The following TTC28 variants were observed in gnomAD, a reference collection of about 807,000 sequenced individuals.
TTC28 encodes the protein tetratricopeptide repeat domain 28.
In TTC28, 61 loss-of-function variants were observed where a neutral mutation model predicts 198.0. The ratio of observed to expected loss-of-function variants is 0.31; its 90% CI spans 0.25 to 0.38. The LOEUF is 0.38. TTC28 is among the 10% of genes least tolerant of loss of function. The pLI is 1.00. For missense variants in TTC28, 2,678 were observed against 3,164.0 expected (o/e 0.85, Z 3.69); for synonymous variants, 1,171 against 1,297.8 (o/e 0.90, Z 2.10).
chr22:28,227,469 C>T (rs75173503), intron 5 of TTC28, among the ~76,000 whole-genome samples: 2,156 of 152,022 alleles, frequency 0.014, 43 homozygotes, highest in African/African-American at 0.05. Context: ...CAAAATGGAA[C>T]AAAATATTTG....
chr22:28,120,557 A>C (rs1022263146), intron 6 of TTC28, among the ~76,000 whole-genome samples: 3 of 152,122 alleles, frequency 2.0e-5, no homozygotes, highest in African/African-American at 4.8e-5. Flanking sequence ...AGTAACTGCT[A>C]CAGAATTCAA....
At chr22:28,205,993 CAAAA>C (rs578027021) in intron 5 of TTC28, among the ~76,000 whole-genome samples, 1 of 129,180 alleles carries the variant, frequency 7.7e-6, no homozygotes, top group African/African-American at 2.9e-5. Flanking sequence ...CATGGGGTGT[CAAAA>C]AAAAAAAAAA....
At chr22:28,673,488 C>G (rs889178016) in intron 1 of TTC28, among the ~76,000 whole-genome samples, 1 of 152,156 alleles carries the variant, frequency 6.6e-6, no homozygotes, top group Non-Finnish European at 1.5e-5. Context: ...TCAAAAATCA[C>G]CATGATATTG....
At chr22:28,561,515 C>A (rs561499345) in intron 2 of TTC28, among the ~76,000 whole-genome samples, 3 of 152,346 alleles carry the variant, frequency 2.0e-5, no homozygotes, top group East Asian at 1.9e-4. Context: ...GTCATGATCA[C>A]TTCTAGATCC....
rs764881378 is a variant in TTC28 at position 28,258,627 on chromosome 22, C to T, written c.933+37571G>A. Among the ~76,000 whole-genome samples the T allele has an allele frequency of 4.0e-5, 6 of 151,866 alleles. No homozygotes were observed. In the East Asian group the frequency reaches 5.8e-4, roughly 15 times the overall value. On this transcript the variant is annotated intron_variant, in intron 5 of 22. Transcript: ENST00000397906. ...CATATCAGAAATGCCTGCAAATAAA[C>T]GGGACAGCAACCCCAATAAAAAATG...
At chr22:28,557,770 GA>G (rs949124226) in intron 2 of TTC28, among the ~76,000 whole-genome samples, 2 of 152,106 alleles carry the variant, frequency 1.3e-5, no homozygotes, top group Non-Finnish European at 2.9e-5. Context: ...GGTGGTAAAT[GA>G]AGAAGGTTTT....
chr22:28,283,703 T>C, intron 5 of TTC28, among the ~76,000 whole-genome samples: 1 of 152,148 alleles, frequency 6.6e-6, no homozygotes, highest in Non-Finnish European at 1.5e-5. Context: ...GTGAAAGGCA[T>C]CATCAGAATA....
At chr22:28,679,558 CCCGGCTCCCACCG>C (rs142303514) in intron 1 of TTC28, 51 bp downstream of exon 1, 28,561 of 1,168,354 alleles carry the variant, frequency 0.024, 307 homozygotes, top group Non-Finnish European at 0.03. Flanking sequence ...TGAGGCCCGG[CCCGGCTCCCACCG>C]CCGGAGTTTC....
chr22:28,191,278 C>T (rs1354425444), intron 5 of TTC28, among the ~76,000 whole-genome samples: 1 of 152,220 alleles, frequency 6.6e-6, no homozygotes, highest in South Asian at 2.1e-4. Flanking sequence ...GAATTACCAA[C>T]TAAATAGAGA....
intron 2 of TTC28, among the ~76,000 whole-genome samples, chr22:28,381,114 T>C (rs774608418): frequency 4.7e-5 from 7 of 148,470 alleles, no homozygotes; most frequent in Non-Finnish European, 1.0e-4. Context: ...CTGAGGTTTC[T>C]CACATTTCCA....
At chr22:28,253,888 T>TGAGATCAGGAGTTC (rs1251458254) in intron 5 of TTC28, among the ~76,000 whole-genome samples, 3 of 152,204 alleles carry the variant, frequency 2.0e-5, no homozygotes, top group African/African-American at 7.2e-5. Context: ...GTGGATCACT[T>TGAGATCAGGAGTTC]GAGATCAGGA....
At chr22:28,001,152 G>C (rs1937669674) in intron 15 of TTC28, 3 of 527,138 alleles carry the variant, frequency 5.7e-6, no homozygotes, top group Admixed American at 6.2e-5. Flanking sequence ...ACAAACTGTG[G>C]CTTCCCAAGG....
intron 2 of TTC28, among the ~76,000 whole-genome samples, chr22:28,556,804 G>A (rs1475157582): frequency 2.0e-5 from 3 of 152,178 alleles, no homozygotes; most frequent in African/African-American, 7.2e-5. Flanking sequence ...CACTTCCAAG[G>A]TAGCTCACTC....
At chr22:28,381,049 A>G (rs538760837) in intron 2 of TTC28, among the ~76,000 whole-genome samples, 1 of 152,098 alleles carries the variant, frequency 6.6e-6, no homozygotes, top group African/African-American at 2.4e-5. Context: ...TACTAGGTTT[A>G]CAGTTGTTAA....
In TTC28 at chr22:28,140,117, G is replaced by T. The variant is rs713649; in HGVS notation, c.1441+22975C>A. On this transcript the variant is annotated intron_variant, in intron 6 of 22. Coordinates refer to ENST00000397906, the MANE Select transcript of TTC28 (RefSeq NM_001145418.2). ...CTCCCCCATAAGGTTGAGAGGGTCT[G>T]CTCTGACTCTCTGCAGGGTTGTTGT... Among the ~76,000 whole-genome samples the T allele has an allele frequency of 9.6e-3, 1,469 of 152,262 alleles. 33 individuals are homozygous for T. Among genetic ancestry groups the T allele is most frequent in the East Asian group, 0.083 (432 of 5,184 alleles).
chr22:28,100,018 G>T (rs891578307), intron 9 of TTC28, among the ~76,000 whole-genome samples: 2 of 152,152 alleles, frequency 1.3e-5, no homozygotes, highest in East Asian at 3.8e-4. Context: ...GCTCTAACAG[G>T]CTCCTCCATC....
intron 12 of TTC28, among the ~76,000 whole-genome samples, chr22:28,032,252 T>TATATATATATAAA (rs1939153853): frequency 1.0e-4 from 8 of 79,530 alleles, no homozygotes; most frequent in Admixed American, 3.2e-4. Flanking sequence ...ATATATAAAA[T>TATATATATATAAA]ATATATATAT....
chr22:28,309,540 C>T (rs1178737950), intron 2 of TTC28, among the ~76,000 whole-genome samples: 1 of 152,182 alleles, frequency 6.6e-6, no homozygotes, highest in Non-Finnish European at 1.5e-5. Context: ...ATGTGACCTG[C>T]CAATAGCCTA....
Position 28,043,242 on chromosome 22 carries a change from C to CAAAAAAAAAA in TTC28, c.3933-12886_3933-12877dup, listed in dbSNP as rs11362041. Among the ~76,000 whole-genome samples, 207 of 65,566 alleles carry CAAAAAAAAAA rather than the reference C, an allele frequency of 3.2e-3. 24 individuals are homozygous for CAAAAAAAAAA. Among genetic ancestry groups the CAAAAAAAAAA allele is most frequent in the African/African-American group, 5.1e-3 (83 of 16,418 alleles). The allele number at this position is 65,566 out of a possible 152,430, so 43.0% of individuals were successfully genotyped here. On this transcript the variant is annotated intron_variant, in intron 12 of 22. Transcript: ENST00000397906. ...TGCATAACAGAGTAAGACTCCATCT[C>CAAAAAAAAAA]AAAAAAAAAAAAAAAAAAAAAAAAA...
Sources: gnomAD v4.1 joint callset for allele counts (sites outside exome capture counted in the v4.1 genomes callset) on GRCh38, gnomAD v4.1.1 for gene constraint, MANE v1.5 for transcripts, NCBI Gene and HGNC (gene_info 2026-07-23, HGNC 2026-07-21) for gene names.